Variants in ZMAT4 observed in about 807,000 individuals in gnomAD.
ZMAT4 encodes zinc finger matrin-type protein 4.
In ZMAT4, 17 loss-of-function variants were observed where a neutral mutation model predicts 28.7. That is an observed-to-expected ratio of 0.59 (90% CI 0.41 to 0.89). The LOEUF (loss-of-function observed/expected upper bound fraction) is 0.89, where lower values mean the gene tolerates loss of function less well. Among genes scored for constraint, ZMAT4 ranks in the 40% least tolerant of loss-of-function variants. The pLI is 0.00. For synonymous variants in ZMAT4, 117 were observed against 109.2 expected (o/e 1.07, Z -0.44); for missense variants, 240 against 283.8 (o/e 0.85, Z 1.11).
intron 3 of ZMAT4, among the ~76,000 whole-genome samples, chr8:40,736,639 A>G (rs1811773691): frequency 6.6e-6 from 1 of 152,228 alleles, no homozygotes; most frequent in Non-Finnish European, 1.5e-5. Context: ...TACATAACAA[A>G]AGGAGTTAAG....
intron 5 of ZMAT4, among the ~76,000 whole-genome samples, chr8:40,653,348 A>G (rs1807769732): frequency 6.6e-6 from 1 of 152,086 alleles, no homozygotes; most frequent in Admixed American, 6.6e-5. Flanking sequence ...AAAAACTAGA[A>G]ATAGAGCAAA....
chr8:40,644,358 G>A (rs1009710119), intron 5 of ZMAT4, among the ~76,000 whole-genome samples: 1 of 152,014 alleles, frequency 6.6e-6, no homozygotes, highest in Non-Finnish European at 1.5e-5. Context: ...TGAGCCTTGA[G>A]CATCTTGTTG....
intron 1 of ZMAT4, among the ~76,000 whole-genome samples, chr8:40,841,383 C>T (rs1373172294): frequency 2.6e-5 from 4 of 152,172 alleles, no homozygotes; most frequent in Non-Finnish European, 5.9e-5. Flanking sequence ...CTCCAGAGGC[C>T]GCCCCCCTGC....
intron 1 of ZMAT4, among the ~76,000 whole-genome samples, chr8:40,830,038 G>A (rs540442278): frequency 3.9e-4 from 59 of 152,208 alleles, no homozygotes; most frequent in East Asian, 1.4e-3. Flanking sequence ...TTCTTAAGGC[G>A]CAAGAAATGG....
chr8:40,857,759 T>C (rs961887119), intron 1 of ZMAT4, among the ~76,000 whole-genome samples: 2 of 152,098 alleles, frequency 1.3e-5, no homozygotes, highest in Non-Finnish European at 2.9e-5. Context: ...AAACTGGAAA[T>C]ATCCCATATG....
At chr8:40,824,073 C>T (rs978577272) in intron 2 of ZMAT4, among the ~76,000 whole-genome samples, 13 of 152,030 alleles carry the variant, frequency 8.6e-5, no homozygotes, top group African/African-American at 2.2e-4. Context: ...TTTCTGGGTG[C>T]GTATGTGTGT....
At chr8:40,658,398 A>C (rs997598063) in intron 5 of ZMAT4, among the ~76,000 whole-genome samples, 5 of 152,110 alleles carry the variant, frequency 3.3e-5, no homozygotes, top group African/African-American at 1.2e-4. Context: ...GAAAGCCGGC[A>C]GCAAACTTAG....
intron 5 of ZMAT4, among the ~76,000 whole-genome samples, chr8:40,674,080 C>CTTTTTTTTT (rs59753899): frequency 1.2e-4 from 13 of 107,222 alleles, no homozygotes; most frequent in Non-Finnish European, 1.6e-4. Context: ...TTTTTATCAT[C>CTTTTTTTTT]TTTTTTTTTT....
chr8:40,845,501 C>A (rs770205294), intron 1 of ZMAT4, among the ~76,000 whole-genome samples: 8 of 151,830 alleles, frequency 5.3e-5, no homozygotes, highest in Non-Finnish European at 1.0e-4. Context: ...AAAAATAATG[C>A]GGCTTTTGCT....
chr8:40,786,634 T>A, intron 2 of ZMAT4: 3 of 1,192,288 alleles, frequency 2.5e-6, no homozygotes, highest in Non-Finnish European at 3.3e-6. Flanking sequence ...CATCTCCTTC[T>A]GTGAACATCC....
At chr8:40,821,770 A>T (rs1815839052) in intron 2 of ZMAT4, among the ~76,000 whole-genome samples, 1 of 152,206 alleles carries the variant, frequency 6.6e-6, no homozygotes, top group South Asian at 2.1e-4. Flanking sequence ...TTATAGAGTT[A>T]TGCTGCCAAA....
At chr8:40,878,788 T>C (rs1338308973) in intron 1 of ZMAT4, among the ~76,000 whole-genome samples, 3 of 152,228 alleles carry the variant, frequency 2.0e-5, no homozygotes, top group Non-Finnish European at 4.4e-5. Context: ...GCCTGTTTCC[T>C]GGGAGATGCC....
rs577503473 is a variant in ZMAT4 at position 40,730,247 on chromosome 8, T to C, written c.193-32846A>G. ...AACACATTGTGAAAACAGTCATCTTTCCTGCTTCAATAATGCTGAAAGATG... is the reference window on the plus strand; with the variant it reads ...AACACATTGTGAAAACAGTCATCTTCCCTGCTTCAATAATGCTGAAAGATG... On this transcript the variant is annotated intron_variant, in intron 3 of 6. Coordinates refer to ENST00000297737, the MANE Select transcript of ZMAT4 (RefSeq NM_024645.3). Among the ~76,000 whole-genome samples the C allele has an allele frequency of 4.9e-4, 75 of 152,302 alleles. 1 individual carries two copies. The highest frequency in any genetic ancestry group is 5.9e-4 in the Admixed American group (9 of 15,302).
chr8:40,687,737 T>C (rs892416491), intron 4 of ZMAT4, among the ~76,000 whole-genome samples: 3 of 152,236 alleles, frequency 2.0e-5, no homozygotes, highest in Admixed American at 6.5e-5. Context: ...CCTCACCTTC[T>C]CATCAGCATT....
chr8:40,616,431 G>A (rs748095348), intron 5 of ZMAT4, among the ~76,000 whole-genome samples: 7 of 152,172 alleles, frequency 4.6e-5, no homozygotes, highest in African/African-American at 7.2e-5. Flanking sequence ...AAAGATACAT[G>A]CACATGTATG....
At chr8:40,829,177 G>A (rs939377785) in intron 1 of ZMAT4, among the ~76,000 whole-genome samples, 2 of 152,144 alleles carry the variant, frequency 1.3e-5, no homozygotes, top group East Asian at 1.9e-4. Flanking sequence ...ACAAGAGTAG[G>A]GGAAGACAGG....
At chr8:40,542,962 A>G (rs915463945) in intron 6 of ZMAT4, among the ~76,000 whole-genome samples, 4 of 152,196 alleles carry the variant, frequency 2.6e-5, no homozygotes, top group Non-Finnish European at 4.4e-5. Context: ...GGCCAACGTC[A>G]TTGCAGCAGA....
Position 40,831,818 on chromosome 8 carries a change from T to C in ZMAT4, c.-4-6138A>G, listed in dbSNP as rs77756781. Among the ~76,000 whole-genome samples, 318 of 152,254 alleles carry C rather than the reference T, an allele frequency of 2.1e-3. 4 individuals are homozygous for C. In the East Asian group the frequency reaches 0.033, roughly 16 times the overall value. On this transcript the variant is annotated intron_variant, in intron 1 of 6. Transcript: ENST00000297737. ...GGCATTGTGACTACTCTAACAATGA[T>C]CCCAACAGGACCTGGCCCCTTGTGA...
chr8:40,664,673 A>T (rs1808331431), intron 5 of ZMAT4, among the ~76,000 whole-genome samples: 1 of 152,108 alleles, frequency 6.6e-6, no homozygotes, highest in Non-Finnish European at 1.5e-5. Context: ...GAGCCAAGCC[A>T]CTCCCAAATC....
Sources: allele counts gnomAD v4.1 joint callset (sites outside exome capture counted in the v4.1 genomes callset), GRCh38; gene constraint gnomAD v4.1.1; transcripts MANE v1.5; gene names NCBI Gene and HGNC (gene_info 2026-07-23, HGNC 2026-07-21).